Variants in LAMC2 observed in about 807,000 individuals in gnomAD.
LAMC2 encodes the protein laminin subunit gamma 2, also known as laminin subunit gamma-2.
In LAMC2, 97 loss-of-function variants were observed where a neutral mutation model predicts 140.2. The ratio of observed to expected loss-of-function variants is 0.69; its 90% CI spans 0.59 to 0.82. LAMC2 has a LOEUF of 0.82. Ranked by LOEUF, LAMC2 falls within the 40% of genes least tolerant of loss-of-function variation. The probability of loss-of-function intolerance (pLI) is 0.00; values close to 1 mark genes in which losing one functional copy is unlikely to be tolerated. For synonymous variants in LAMC2, 513 were observed against 540.2 expected (o/e 0.95, Z 0.70); for missense variants, 1,402 against 1,476.1 (o/e 0.95, Z 0.82).
intron 2 of LAMC2, among the ~76,000 whole-genome samples, chr1:183,209,422 G>A (rs1333769470): frequency 6.6e-6 from 1 of 152,186 alleles, no homozygotes; most frequent in African/African-American, 2.4e-5. Context: ...CCTGTGGTGA[G>A]ATAGGCCCAT....
At chr1:183,236,247 G>A (rs1659957877) in intron 16 of LAMC2, among the ~76,000 whole-genome samples, 1 of 151,964 alleles carries the variant, frequency 6.6e-6, no homozygotes, top group Non-Finnish European at 1.5e-5. Context: ...GGGGGGGCCA[G>A]GTGTGGTGGC....
the LAMC2 span, chr1:183,251,050 C>G: frequency 9.2e-5 from 14 of 152,230 alleles, no homozygotes; most frequent in Non-Finnish European, 1.8e-4. Context: ...TTATGGCTCT[C>G]CAAGCAGGAC....
At chr1:183,236,890 A>G (rs1659978704) in intron 17 of LAMC2, among the ~76,000 whole-genome samples, 1 of 152,210 alleles carries the variant, frequency 6.6e-6, no homozygotes, top group South Asian at 2.1e-4. Flanking sequence ...AAATTTTTAT[A>G]AAGTTTTTTT....
intron 17 of LAMC2, among the ~76,000 whole-genome samples, chr1:183,237,139 C>T (rs1166236678): frequency 6.6e-6 from 1 of 152,124 alleles, no homozygotes; most frequent in African/African-American, 2.4e-5. Context: ...AGAACAGAGA[C>T]AAAGCCTGTT....
chr1:183,229,744 C>G (rs1659746098), intron 11 of LAMC2, among the ~76,000 whole-genome samples: 1 of 151,986 alleles, frequency 6.6e-6, no homozygotes, highest in Non-Finnish European at 1.5e-5. Context: ...GCCTCCCACT[C>G]ACACCAGAGT....
Position 183,244,491 on chromosome 1 carries a change from C to T in LAMC2, c.*1091C>T, listed in dbSNP as rs1422266561. 1 of 152,496 alleles carries T rather than the reference C, an allele frequency of 6.6e-6. No homozygotes were observed. Among genetic ancestry groups the T allele is most frequent in the Non-Finnish European group, 1.5e-5 (1 of 68,038 alleles). The allele number at this position is 152,496 out of a possible 1,614,324, so 9.4% of individuals were successfully genotyped here. On this transcript the variant is annotated 3_prime_UTR_variant, in exon 23 of 23. Transcript: ENST00000264144. ...GCTGGTGGGACAGTGGTGACATAGTCTCTGCCCTCATAGAGTTGATTGTCT... is the reference window on the plus strand; with the variant it reads ...GCTGGTGGGACAGTGGTGACATAGTTTCTGCCCTCATAGAGTTGATTGTCT...
chr1:183,229,044 T>A (rs1659721863), intron 11 of LAMC2, among the ~76,000 whole-genome samples: 1 of 152,012 alleles, frequency 6.6e-6, no homozygotes, highest in Non-Finnish European at 1.5e-5. Context: ...TTTAAGAGAC[T>A]CTCTCAGGAA....
Position 183,236,503 on chromosome 1 carries a change from G to A in LAMC2, c.2500G>A (p.Ala834Thr), listed in dbSNP as rs756762136. ...KSLAQQLTRE[A>T]TQAEIEADRS... ...CCTGGCCCAGCAGTTGACAAGGGAG[G>A]CCACTCAAGCGGAAATTGAAGCAGA... The change falls in exon 17 of 23, where the codon GCC (alanine) becomes ACC (threonine). Residue 834 changes from alanine (A) to threonine (T), a missense_variant. By Grantham distance (58) the Ala-to-Thr change is moderately conservative. Around this residue, in one of 3 missense-constraint regions of LAMC2, gnomAD observed 670 missense variants for 667.2 expected, o/e 1.00. Coordinates refer to ENST00000264144, the MANE Select transcript of LAMC2 (RefSeq NM_005562.3). 3 of 1,614,000 alleles carry A rather than the reference G, an allele frequency of 1.9e-6. No individual in the cohort carries two copies. The highest frequency in any genetic ancestry group is 2.5e-6 in the Non-Finnish European group (3 of 1,179,990).
chr1:183,207,946 A>C lies in LAMC2; in HGVS notation c.145A>C (p.Asn49His), dbSNP rs765639954. ...FDRELHRQTG[N>H]GFRCLNCNDN... ...TCGGGAACTTCACAGACAAACTGGT[A>C]ATGGATTCCGCTGCCTCAACTGCAA... Residue 49 changes from asparagine to histidine, a missense_variant, in exon 2 of 23, where the codon AAT (asparagine) becomes CAT (histidine). Asn to His is a moderately conservative substitution (Grantham distance 68, BLOSUM62 1). Around this residue, in one of 3 missense-constraint regions of LAMC2, gnomAD observed 723 missense variants for 783.3 expected, o/e 0.92. Coordinates refer to ENST00000264144, the MANE Select transcript of LAMC2 (RefSeq NM_005562.3). 1.9e-6 allele frequency: 3 copies of C among 1,613,342 alleles called. No individual in the cohort carries two copies. The highest frequency in any genetic ancestry group is 3.3e-5 in the Admixed American group (2 of 59,882).
chr1:183,239,939 G>A, intron 20 of LAMC2, 101 bp from the exon 21 acceptor site: 1 of 1,299,430 alleles, frequency 7.7e-7, no homozygotes, highest in South Asian at 1.2e-5. Flanking sequence ...TACTCCATCA[G>A]GGCCCGGCTG....
At position 183,195,534 on chromosome 1, in the gene LAMC2, CTTGGACATTTAAA is replaced by C. The variant is rs368256988; in HGVS notation, c.79+9105_79+9117del. Among the ~76,000 whole-genome samples, 54 of 152,276 alleles carry C rather than the reference CTTGGACATTTAAA, an allele frequency of 3.5e-4. 2 individuals carry two copies. The highest frequency in any genetic ancestry group is 1.2e-3 in the African/African-American group (51 of 41,546). On this transcript the variant is annotated intron_variant, in intron 1 of 22. Coordinates refer to ENST00000264144, the MANE Select transcript of LAMC2 (RefSeq NM_005562.3). ...TCCTGCCTCAGCCTTACTCACATTG[CTTGGACATTTAAA>C]TGTCAACTGGTGCCGTGCCCTTTAT...
At chr1:183,193,586 G>T (rs780057805) in intron 1 of LAMC2, among the ~76,000 whole-genome samples, 2 of 152,148 alleles carry the variant, frequency 1.3e-5, no homozygotes, top group Non-Finnish European at 1.5e-5. Context: ...GATTCCTAGT[G>T]TTTAAAAATC....
chr1:183,232,886 G>T, intron 14 of LAMC2, 29 bp downstream of exon 14: 1 of 1,601,120 alleles, frequency 6.2e-7, no homozygotes, highest in Non-Finnish European at 8.6e-7. Context: ...AGAGTATTGA[G>T]AATACTGCTG....
At chr1:183,249,089 C>T (rs1044602426), downstream of LAMC2, 2 of 152,172 alleles carry the variant, frequency 1.3e-5, no homozygotes, top group Non-Finnish European at 2.9e-5. Context: ...GAGCTTGAAA[C>T]TAGAGAACAT....
At chr1:183,246,845 T>C (rs1196769599), downstream of LAMC2, among the ~76,000 whole-genome samples, 1 of 152,246 alleles carries the variant, frequency 6.6e-6, no homozygotes, top group African/African-American at 2.4e-5. Context: ...TTAGAATTTT[T>C]CTCTCCCTTC....
intron 16 of LAMC2, among the ~76,000 whole-genome samples, chr1:183,236,109 A>G (rs567266859): frequency 2.6e-5 from 4 of 152,218 alleles, no homozygotes; most frequent in African/African-American, 9.6e-5. Flanking sequence ...AACCTGTGTA[A>G]ATTAAAAGGC....
In LAMC2 at chr1:183,208,815, G is replaced by A. The variant is rs184993297; in HGVS notation, c.268+746G>A. Among the ~76,000 whole-genome samples the A allele has an allele frequency of 4.6e-3, 700 of 152,108 alleles. 5 individuals carry two copies. The highest frequency in any genetic ancestry group is 9.6e-3 in the South Asian group (46 of 4,794). On this transcript the variant is annotated intron_variant, in intron 2 of 22. Transcript: ENST00000264144. ...CTGCCTTAGCTTCCTGAGTAGCTGG[G>A]ATTACAGGCACCCACCACCACGCCC...
Position 183,186,383 on chromosome 1 carries a change from T to C in LAMC2, c.31T>C (p.Cys11Arg). MPALWLGCCL[C>R]FSLLLPAARA... ...TGCGCTCTGGCTGGGCTGCTGCCTC[T>C]GCTTCTCGCTCCTCCTGCCCGCAGC... The change falls in exon 1 of 23, where the codon TGC becomes CGC. Residue 11 changes from cysteine (C) to arginine (R), a missense_variant. Physicochemically the swap from Cys to Arg is radical, Grantham distance 180 (BLOSUM62 -3). Transcript: ENST00000264144. The C allele has an allele frequency of 6.2e-7, 1 of 1,605,732 alleles. No homozygotes were observed. The highest frequency in any genetic ancestry group is 8.5e-7 in the Non-Finnish European group (1 of 1,179,568).
At chr1:183,186,509 C>G in intron 1 of LAMC2, 78 bp downstream of exon 1, 1 of 1,489,584 alleles carries the variant, frequency 6.7e-7, no homozygotes, top group Non-Finnish European at 9.2e-7. Flanking sequence ...GATGGCTGAA[C>G]GTACCTCCGA....
Sources: allele counts gnomAD v4.1 joint callset (sites outside exome capture counted in the v4.1 genomes callset), GRCh38; gene constraint gnomAD v4.1.1; regional missense constraint gnomAD v4.1.1; transcripts MANE v1.5; gene names NCBI Gene and HGNC (gene_info 2026-07-23, HGNC 2026-07-21).